The following MRAS variants were observed in gnomAD, a reference collection of about 807,000 sequenced individuals.
The protein encoded by MRAS is ras-related protein M-Ras.
In MRAS, 4 loss-of-function variants were observed where a neutral mutation model predicts 20.9. The observed-to-expected ratio is 0.19, with a 90% confidence interval of 0.09 to 0.44. The LOEUF is 0.44. Ranked by LOEUF, MRAS falls within the 20% of genes least tolerant of loss-of-function variation. The pLI, the probability that MRAS is intolerant of heterozygous loss-of-function variation, is 0.99. For synonymous variants in MRAS, 98 were observed against 102.9 expected (o/e 0.95, Z 0.29); for missense variants, 154 against 277.5 (o/e 0.56, Z 3.16).
chr3:138,362,256 G>A (rs2054464391), intron 1 of MRAS, among the ~76,000 whole-genome samples: 1 of 152,194 alleles, frequency 6.6e-6, no homozygotes, highest in African/African-American at 2.4e-5. Context: ...ACAAGCTTGG[G>A]GGTGAGTGGG....
chr3:138,388,028 T>G (rs2055053504), intron 2 of MRAS, among the ~76,000 whole-genome samples: 1 of 152,244 alleles, frequency 6.6e-6, no homozygotes, highest in African/African-American at 2.4e-5. Flanking sequence ...GACTCTTCCC[T>G]GTCACCAGGG....
Position 138,389,023 on chromosome 3 carries a change from G to A in MRAS, c.194-8301G>A, listed in dbSNP as rs182788101. Among the ~76,000 whole-genome samples, 624 of 152,010 alleles carry A rather than the reference G, an allele frequency of 4.1e-3. 6 individuals are homozygous for A. The highest frequency in any genetic ancestry group is 0.014 in the African/African-American group (599 of 41,472). On this transcript the variant is annotated intron_variant, in intron 2 of 5. Transcript: ENST00000423968. The stretch of plus-strand genomic sequence containing the variant: ...TGCCCAGCTCATTTTTGTATTTTTA[G>A]TAGAGACTGGGTTTTACCGTGTTGT...
At chr3:138,374,872 A>T (rs1287371076) in intron 2 of MRAS, among the ~76,000 whole-genome samples, 1 of 152,054 alleles carries the variant, frequency 6.6e-6, no homozygotes, top group Non-Finnish European at 1.5e-5. Flanking sequence ...AATGTGGTAA[A>T]TTACATTGAT....
rs2055387960 is a variant in MRAS, at chr3:138,402,768, C to CA, written c.*501dup. ...CTGGGCTCACTGCCTGGTGAAGTTT[C>CA]AAGTGTTCAGCAGACCTCTCTGGTA... is the stretch of plus-strand genomic sequence containing the variant. On this transcript the variant is annotated 3_prime_UTR_variant, in exon 6 of 6. Coordinates refer to ENST00000423968, the MANE Select transcript of MRAS (RefSeq NM_001085049.3). 6.5e-6 allele frequency: 1 copy of CA among 152,684 alleles called. No homozygotes were observed. Among genetic ancestry groups the CA allele is most frequent in the South Asian group, 2.1e-4 (1 of 4,812 alleles). 9.5% of individuals were successfully genotyped at this position (152,684 alleles called of 1,614,324 possible). A position where few individuals can be genotyped will look rare whatever the true frequency, so the allele number is the denominator to read the frequency against.
chr3:138,398,456 C>T lies in MRAS; in HGVS notation c.348-13C>T, dbSNP rs1446583584. 1.9e-5 allele frequency: 30 copies of T among 1,612,766 alleles called. No homozygotes were observed. Among genetic ancestry groups the T allele is most frequent in the Non-Finnish European group, 2.3e-5 (27 of 1,178,904 alleles). On this transcript the variant is annotated splice_polypyrimidine_tract_variant and intron_variant, in intron 3 of 5. Coordinates refer to ENST00000423968, the MANE Select transcript of MRAS (RefSeq NM_001085049.3). ...TGGAAACCTCACAGAGCTGCTGTTC[C>T]TTTATTTCCCAGGGAGTCATTCCCG...
intron 2 of MRAS, among the ~76,000 whole-genome samples, chr3:138,387,533 C>G (rs1247036863): frequency 1.3e-5 from 2 of 152,184 alleles, no homozygotes; most frequent in Non-Finnish European, 1.5e-5. Context: ...CTAAGCAGAT[C>G]ACTAGCCTTG....
intron 1 of MRAS, among the ~76,000 whole-genome samples, chr3:138,359,271 C>T (rs1477334046): frequency 1.3e-5 from 2 of 152,112 alleles, no homozygotes; most frequent in East Asian, 1.9e-4. Context: ...TCACACCCAC[C>T]TCCAGCCTGG....
chr3:138,392,468 T>A (rs778103754), intron 2 of MRAS, among the ~76,000 whole-genome samples: 1 of 152,258 alleles, frequency 6.6e-6, no homozygotes, highest in African/African-American at 2.4e-5. Context: ...CTCATAATGA[T>A]TATGGAATTT....
At chr3:138,401,117 T>C (rs1353430489) in intron 5 of MRAS, among the ~76,000 whole-genome samples, 1 of 152,206 alleles carries the variant, frequency 6.6e-6, no homozygotes, top group African/African-American at 2.4e-5. Flanking sequence ...TTGTCAGCAA[T>C]CCTAATGAAA....
chr3:138,371,658 T>C (rs1413497091), intron 1 of MRAS, among the ~76,000 whole-genome samples: 1 of 152,202 alleles, frequency 6.6e-6, no homozygotes, highest in Non-Finnish European at 1.5e-5. Context: ...ATTTTTGTGC[T>C]ACCCAGGAAT....
chr3:138,389,485 G>A (rs1263950246), intron 2 of MRAS, among the ~76,000 whole-genome samples: 1 of 149,774 alleles, frequency 6.7e-6, no homozygotes, highest in Admixed American at 6.7e-5. Context: ...CTGGAAGGCG[G>A]CTGGGACAGC....
chr3:138,359,049 A>G (rs1488522261), intron 1 of MRAS, among the ~76,000 whole-genome samples: 1 of 152,140 alleles, frequency 6.6e-6, no homozygotes, highest in Non-Finnish European at 1.5e-5. Context: ...AAAGTGCTGT[A>G]TGTAGAAAGC....
intron 4 of MRAS, among the ~76,000 whole-genome samples, chr3:138,399,546 C>T (rs1312449336): frequency 1.3e-5 from 2 of 151,942 alleles, no homozygotes; most frequent in Non-Finnish European, 2.9e-5. Flanking sequence ...CTCTGTCGCC[C>T]TCCATGCATT....
At chr3:138,396,410 G>A (rs2055236255) in intron 2 of MRAS, among the ~76,000 whole-genome samples, 1 of 152,196 alleles carries the variant, frequency 6.6e-6, no homozygotes, top group African/African-American at 2.4e-5. Context: ...AGGGGAAGGT[G>A]GATCTGGTCA....
At chr3:138,378,275 C>G in intron 2 of MRAS, among the ~76,000 whole-genome samples, 1 of 152,238 alleles carries the variant, frequency 6.6e-6, no homozygotes. Context: ...AGGCTGCCTG[C>G]TTTCTTGCAA....
intron 2 of MRAS, among the ~76,000 whole-genome samples, chr3:138,391,315 T>A (rs2055127907): frequency 6.6e-6 from 1 of 152,236 alleles, no homozygotes; most frequent in Non-Finnish European, 1.5e-5. Flanking sequence ...TGTCCTTCAA[T>A]TCTCAACTGT....
chr3:138,361,212 G>A (rs960503035), intron 1 of MRAS, among the ~76,000 whole-genome samples: 1 of 152,214 alleles, frequency 6.6e-6, no homozygotes, highest in African/African-American at 2.4e-5. Flanking sequence ...TACCATCCCT[G>A]TCCTTGAGGA....
chr3:138,367,890 A>G (rs1303562982), intron 1 of MRAS, among the ~76,000 whole-genome samples: 4 of 152,212 alleles, frequency 2.6e-5, no homozygotes, highest in African/African-American at 9.6e-5. Context: ...AAAAGAGCTT[A>G]TTTTTCCATT....
intron 3 of MRAS, 111 bp from the exon 4 acceptor site, chr3:138,398,358 G>A (rs773680084): frequency 4.3e-5 from 36 of 840,524 alleles, no homozygotes; most frequent in African/African-American, 6.6e-5. Flanking sequence ...CAGGCTGACT[G>A]GGGAGGTGCT....
Sources: allele counts gnomAD v4.1 joint callset (sites outside exome capture counted in the v4.1 genomes callset), GRCh38; gene constraint gnomAD v4.1.1; transcripts MANE v1.5; gene names NCBI Gene and HGNC (gene_info 2026-07-23, HGNC 2026-07-21).